MYOF: variants seen among roughly 807,000 people sequenced by gnomAD.
The protein encoded by MYOF is myoferlin.
MYOF carries 244 observed loss-of-function variants against 284.2 expected under a neutral mutation model. The ratio of observed to expected loss-of-function variants is 0.86; its 90% CI spans 0.77 to 0.95. The LOEUF (loss-of-function observed/expected upper bound fraction) is 0.95, where lower values mean the gene tolerates loss of function less well. Among genes scored for constraint, MYOF ranks in the 40% least tolerant of loss-of-function variants. The pLI is 0.00. For synonymous variants in MYOF, 904 were observed against 919.7 expected (o/e 0.98, Z 0.31); for missense variants, 2,496 against 2,560.6 (o/e 0.97, Z 0.54).
chr10:93,408,534 T>C (rs1163725128), intron 7 of MYOF, among the ~76,000 whole-genome samples: 1 of 147,262 alleles, frequency 6.8e-6, no homozygotes, highest in Non-Finnish European at 1.5e-5. Flanking sequence ...CGAAATTCCA[T>C]CTCAAAAAAA....
chr10:93,379,734 A>G (rs1169543798), intron 21 of MYOF, 129 bp downstream of exon 21: 1 of 1,182,572 alleles, frequency 8.5e-7, no homozygotes, highest in South Asian at 1.6e-5. Flanking sequence ...CACTGTTCCT[A>G]GAGACATTGC....
At chr10:93,307,197 C>CCCA (rs1589362320) in intron 53 of MYOF, among the ~76,000 whole-genome samples, 196 bp from the exon 54 acceptor site, 2 of 51,630 alleles carry the variant, frequency 3.9e-5, no homozygotes, top group South Asian at 7.2e-4. Flanking sequence ...CACCCCCCCG[C>CCCA]CAAGTTGTTG....
chr10:93,312,377 A>T (rs1217309323), intron 51 of MYOF, among the ~76,000 whole-genome samples: 1 of 151,324 alleles, frequency 6.6e-6, no homozygotes, highest in African/African-American at 2.4e-5. Flanking sequence ...GCAGAGTCTC[A>T]CTCTGTCACC....
chr10:93,361,458 C>T lies in MYOF; in HGVS notation c.2968G>A (p.Glu990Lys), dbSNP rs1845067412. The T allele has an allele frequency of 1.2e-6, 2 of 1,614,138 alleles. No individual in the cohort carries two copies. Among genetic ancestry groups the T allele is most frequent in the Non-Finnish European group, 1.7e-6 (2 of 1,179,968 alleles). ...WSYDINRAVD[E>K]KGWEYGITIP... Reference sequence around the variant, plus strand: ...CACAGATGTACAATGTTACCTTTCTCATCCACCGCTCGATTTATGTCATAA... The same window carrying T: ...CACAGATGTACAATGTTACCTTTCTTATCCACCGCTCGATTTATGTCATAA... Residue 990 changes from glutamate (E) to lysine (K), a missense_variant, in exon 28 of 54, where the codon GAG becomes AAG. By Grantham distance (56) the Glu-to-Lys change is moderately conservative. Transcript: ENST00000359263.
chr10:93,424,778 G>A (rs147709100), intron 5 of MYOF, among the ~76,000 whole-genome samples: 137 of 152,190 alleles, frequency 9.0e-4, no homozygotes, highest in African/African-American at 2.9e-3. Flanking sequence ...GACTGGGCAG[G>A]ACAGGCAGGG....
At chr10:93,382,780 A>C (rs188732747) in intron 19 of MYOF, among the ~76,000 whole-genome samples, 6 of 152,284 alleles carry the variant, frequency 3.9e-5, no homozygotes, top group Admixed American at 3.9e-4. Context: ...GCTGTGTTTC[A>C]TTATGTCCCG....
At position 93,333,786 on chromosome 10, in the gene MYOF, T is replaced by G; in HGVS notation, c.4691A>C (p.Glu1564Ala). 1 of 1,614,150 alleles carries G rather than the reference T, an allele frequency of 6.2e-7. No individual in the cohort carries two copies. Among genetic ancestry groups the G allele is most frequent in the South Asian group, 1.1e-5 (1 of 91,082 alleles). Residue 1564 changes from glutamate (E) to alanine (A), a missense_variant, in exon 42 of 54, where the codon GAG (glutamate) becomes GCG (alanine). Around this residue, in one of 3 missense-constraint regions of MYOF, gnomAD observed 2,436 missense variants for 2,480.7 expected, o/e 0.98. Transcript: ENST00000359263. ...GCCATTGTTGTCCTGGGGCTGGAGC[T>G]CTAAGCCTCGAACAATGTAAATCCT... ...TVRIYIVRGL[E>A]LQPQDNNGLC...
At chr10:93,373,596 TA>T (rs35102525) in intron 23 of MYOF, among the ~76,000 whole-genome samples, 47,971 of 152,070 alleles carry the variant, frequency 0.32, 8,706 homozygotes, top group East Asian at 0.86. Context: ...CACAGTGGTA[TA>T]AAAAAACTGC....
rs763840717 is a variant in MYOF, at chr10:93,306,912, G to A, written c.*51C>T. The A allele has an allele frequency of 6.3e-6, 10 of 1,576,250 alleles. No homozygotes were observed. In the Admixed American group the frequency reaches 1.0e-4, roughly 16 times the overall value. Reference sequence around the variant, plus strand: ...TCACACTGGATGTTGGTCTACAGAGGCAGGATTCTCTCATTGCTGGATGAC... The same window carrying A: ...TCACACTGGATGTTGGTCTACAGAGACAGGATTCTCTCATTGCTGGATGAC... On this transcript the variant is annotated 3_prime_UTR_variant, in exon 54 of 54. Coordinates refer to ENST00000359263, the MANE Select transcript of MYOF (RefSeq NM_013451.4).
At chr10:93,310,394 A>T (rs1213730924) in intron 52 of MYOF, 140 bp downstream of exon 52, 2 of 997,644 alleles carry the variant, frequency 2.0e-6, no homozygotes, top group Non-Finnish European at 2.9e-6. Flanking sequence ...CAGATCACCA[A>T]CCTCTCCACC....
intron 5 of MYOF, among the ~76,000 whole-genome samples, chr10:93,420,673 G>A (rs935825655): frequency 6.6e-6 from 1 of 152,200 alleles, no homozygotes; most frequent in Non-Finnish European, 1.5e-5. Flanking sequence ...GAGCCACTAT[G>A]TGGAGAAGAA....
intron 3 of MYOF, among the ~76,000 whole-genome samples, chr10:93,439,635 C>T (rs933723895): frequency 6.6e-6 from 1 of 152,206 alleles, no homozygotes; most frequent in Admixed American, 6.5e-5. Flanking sequence ...GCTTCAGTTT[C>T]CTCATCTATA....
intron 17 of MYOF, among the ~76,000 whole-genome samples, chr10:93,389,719 A>G (rs1411575159): frequency 6.6e-6 from 1 of 152,128 alleles, no homozygotes; most frequent in Non-Finnish European, 1.5e-5. Flanking sequence ...ATTGCTTTCT[A>G]TCTCTGGTGG....
At chr10:93,474,913 A>C (rs981566406) in intron 1 of MYOF, among the ~76,000 whole-genome samples, 1 of 151,980 alleles carries the variant, frequency 6.6e-6, no homozygotes, top group Non-Finnish European at 1.5e-5. Context: ...TGCCTGGCTA[A>C]GTTTTTTGTA....
chr10:93,426,138 G>T lies in MYOF; in HGVS notation c.366C>A (p.Ile122=). 6.4e-7 allele frequency: 1 copy of T among 1,559,710 alleles called. No individual in the cohort carries two copies. ...QDTGATIDLV[I]GYDPPSAPHP... The stretch of plus-strand genomic sequence containing the variant: ...GTGGAGCAGAAGGCGGATCATAGCC[G>T]ATCACCAAGTCAATGGTGGCCTGGG... Residue 122 remains isoleucine (I), a synonymous_variant, in exon 5 of 54, where the codon ATC becomes ATA. Coordinates refer to ENST00000359263, the MANE Select transcript of MYOF (RefSeq NM_013451.4).
At chr10:93,333,717 T>C (rs1843456054) in intron 42 of MYOF, 41 bp downstream of exon 42, 1 of 1,603,254 alleles carries the variant, frequency 6.2e-7, no homozygotes, top group Admixed American at 1.7e-5. Flanking sequence ...ATGACTGTAA[T>C]TATCTTGCTA....
At chr10:93,385,643 C>T (rs962287416) in intron 19 of MYOF, among the ~76,000 whole-genome samples, 1 of 152,140 alleles carries the variant, frequency 6.6e-6, no homozygotes, top group African/African-American at 2.4e-5. Flanking sequence ...CCTCATTTCT[C>T]TCCTATTCTG....
chr10:93,340,002 C>T (rs1180955705), intron 39 of MYOF, 151 bp downstream of exon 39: 1 of 746,564 alleles, frequency 1.3e-6, no homozygotes, highest in African/African-American at 1.8e-5. Flanking sequence ...TGGCGTGAAC[C>T]CCGGGGGGCG....
At chr10:93,399,116 C>T (rs1315540942) in intron 13 of MYOF, among the ~76,000 whole-genome samples, 1 of 152,142 alleles carries the variant, frequency 6.6e-6, no homozygotes, top group Non-Finnish European at 1.5e-5. Context: ...ACGTTTGGAC[C>T]TGAAAAGCAA....
Sources: gnomAD v4.1 joint callset for allele counts (sites outside exome capture counted in the v4.1 genomes callset) on GRCh38, gnomAD v4.1.1 for gene constraint, gnomAD v4.1.1 regional missense constraint, MANE v1.5 for transcripts, NCBI Gene and HGNC (gene_info 2026-07-23, HGNC 2026-07-21) for gene names.